FNBP1: variants seen among roughly 807,000 people sequenced by gnomAD.
The protein encoded by FNBP1 is formin-binding protein 1.
Under a neutral mutation model 90.6 loss-of-function variants are expected in FNBP1, and 26 were observed. That is an observed-to-expected ratio of 0.29 (90% confidence interval 0.21 to 0.40). The LOEUF (loss-of-function observed/expected upper bound fraction) is 0.40. FNBP1 is among the 10% of genes least tolerant of loss of function. The pLI is 1.00. For synonymous variants in FNBP1, 260 were observed against 265.2 expected (o/e 0.98, Z 0.19); for missense variants, 635 against 768.0 (o/e 0.83, Z 2.05).
intron 1 of FNBP1, among the ~76,000 whole-genome samples, chr9:130,036,346 T>C (rs1029781603): frequency 1.1e-4 from 17 of 152,208 alleles, no homozygotes; most frequent in East Asian, 3.8e-4. Flanking sequence ...GCACTTTCCA[T>C]GTCTCACCAA....
intron 6 of FNBP1, among the ~76,000 whole-genome samples, chr9:129,943,901 G>A (rs1439633643): frequency 6.6e-6 from 1 of 150,800 alleles, no homozygotes; most frequent in Non-Finnish European, 1.5e-5. Flanking sequence ...GCTGAGGCAG[G>A]AGAGTGGCGT....
chr9:129,928,080 T>C (rs1471352609), intron 7 of FNBP1, among the ~76,000 whole-genome samples: 1 of 152,234 alleles, frequency 6.6e-6, no homozygotes, highest in African/African-American at 2.4e-5. Flanking sequence ...AAGGACTTGT[T>C]TGCTGTGTGT....
Position 129,900,187 on chromosome 9 carries a change from T to A in FNBP1, c.1551-86A>T. The A allele has an allele frequency of 1.4e-6, 2 of 1,407,398 alleles. No individual in the cohort carries two copies. The highest frequency in any genetic ancestry group is 1.9e-6 in the Non-Finnish European group (2 of 1,055,724). The allele number at this position is 1,407,398 out of a possible 1,614,324, so 87.2% of individuals were successfully genotyped here. ...TGAGTCCCTGCGACTGGAGAGCACT[T>A]GCAACCCCGCCCCTCAGCGAGTGCT... On this transcript the variant is annotated intron_variant, in intron 14 of 16. Transcript: ENST00000446176. This position sits in a 1 kb window ranked among gnomAD's most constrained non-coding sequence, Gnocchi z 4.1.
intron 10 of FNBP1, among the ~76,000 whole-genome samples, chr9:129,921,443 G>T (rs2041084054): frequency 6.6e-6 from 1 of 151,500 alleles, no homozygotes; most frequent in Admixed American, 6.6e-5. Context: ...GTCCAGGCTG[G>T]AGTGCAATAG....
chr9:129,957,458 T>C lies in FNBP1; in HGVS notation c.415A>G (p.Arg139Gly). The change falls in exon 6 of 17, where the codon AGG becomes GGG. Residue 139 changes from arginine to glycine, a missense_variant. Transcript: ENST00000446176. The surrounding 1 kb of genome is among the most constrained non-coding windows in gnomAD (Gnocchi z 4.3). The part of the protein sequence containing the change: ...TCWKQLESSK[R>G]RFERDCKEAD... ...TCTTTGCAATCGCGTTCAAATCGCC[T>C]TTTACTCTAAAATCAGAGGAAAATA... is the stretch of plus-strand genomic sequence containing the variant. 1.2e-6 allele frequency: 2 copies of C among 1,610,580 alleles called. No individual in the cohort carries two copies. The highest frequency in any genetic ancestry group is 8.5e-7 in the Non-Finnish European group (1 of 1,177,108).
intron 10 of FNBP1, among the ~76,000 whole-genome samples, chr9:129,921,241 G>A (rs537459901): frequency 2.7e-5 from 4 of 150,594 alleles, no homozygotes; most frequent in African/African-American, 9.8e-5. Flanking sequence ...TAATAAACTT[G>A]TTATCAATTA....
At chr9:129,985,441 T>C (rs2052009534) in intron 2 of FNBP1, among the ~76,000 whole-genome samples, 1 of 152,232 alleles carries the variant, frequency 6.6e-6, no homozygotes, top group South Asian at 2.1e-4. Context: ...TTCATATGGC[T>C]GTTAAGTGGA....
At chr9:130,036,048 A>G (rs1201837729) in intron 1 of FNBP1, among the ~76,000 whole-genome samples, 1 of 152,248 alleles carries the variant, frequency 6.6e-6, no homozygotes, top group Admixed American at 6.5e-5. Flanking sequence ...TTAACTAAAC[A>G]CATTACTAGG....
At chr9:129,927,128 A>C in intron 8 of FNBP1, 67 bp downstream of exon 8, 1 of 1,536,290 alleles carries the variant, frequency 6.5e-7, no homozygotes, top group Non-Finnish European at 8.9e-7. Flanking sequence ...GGTCAAATGG[A>C]AAGGGGATGG....
At chr9:129,996,637 A>T (rs2054044347) in intron 1 of FNBP1, among the ~76,000 whole-genome samples, 1 of 152,214 alleles carries the variant, frequency 6.6e-6, no homozygotes, top group Admixed American at 6.5e-5. Context: ...GCTAGTGTTT[A>T]ATCCTACGCT....
chr9:129,943,230 T>G (rs1251394000), intron 6 of FNBP1, among the ~76,000 whole-genome samples: 1 of 152,162 alleles, frequency 6.6e-6, no homozygotes, highest in Non-Finnish European at 1.5e-5. Flanking sequence ...GCACAGACCT[T>G]TTTCAGATGC....
chr9:129,901,868 C>T (rs1167929686), intron 13 of FNBP1, among the ~76,000 whole-genome samples: 1 of 152,048 alleles, frequency 6.6e-6, no homozygotes, highest in Non-Finnish European at 1.5e-5. Flanking sequence ...GGTGAGATCA[C>T]GCTACTACAC....
intron 2 of FNBP1, among the ~76,000 whole-genome samples, chr9:129,993,405 T>C (rs2053513551): frequency 6.6e-6 from 1 of 150,488 alleles, no homozygotes; most frequent in African/African-American, 2.4e-5. Flanking sequence ...CAAGAACTTT[T>C]AAATATATTC....
chr9:130,012,642 G>T (rs1297129911), intron 1 of FNBP1, among the ~76,000 whole-genome samples: 1 of 151,994 alleles, frequency 6.6e-6, no homozygotes, highest in African/African-American at 2.4e-5. Flanking sequence ...GTTTTGTTTT[G>T]TTTTGTTTTT....
intron 1 of FNBP1, among the ~76,000 whole-genome samples, chr9:130,032,498 C>T (rs2058894724): frequency 6.6e-6 from 1 of 152,174 alleles, no homozygotes; most frequent in Non-Finnish European, 1.5e-5. Flanking sequence ...TTTTAAAAGT[C>T]AGTCATGGTG....
the FNBP1 span, among the ~76,000 whole-genome samples, chr9:130,048,314 C>CAAAAAAAAAAAAAAAAAAAAAA: frequency 5.9e-5 from 3 of 50,716 alleles, no homozygotes; most frequent in African/African-American, 8.3e-5. Context: ...GACTCCATCT[C>CAAAAAAAAAAAAAAAAAAAAAA]AAAAAAAAAA....
chr9:129,924,906 TC>T, intron 9 of FNBP1, 53 bp downstream of exon 9: 1 of 1,453,652 alleles, frequency 6.9e-7, no homozygotes, highest in Non-Finnish European at 9.3e-7. Context: ...GACTAAAAGA[TC>T]AAGTCAAAAT....
intron 1 of FNBP1, among the ~76,000 whole-genome samples, chr9:130,029,929 A>T (rs989833953): frequency 3.9e-5 from 6 of 152,142 alleles, no homozygotes; most frequent in African/African-American, 1.4e-4. Context: ...GGTTGCAGTG[A>T]GCCTTGATTG....
chr9:129,975,122 G>A (rs930263370), intron 4 of FNBP1, among the ~76,000 whole-genome samples: 3 of 152,184 alleles, frequency 2.0e-5, no homozygotes, highest in Non-Finnish European at 4.4e-5. Context: ...AGGAGGCTGA[G>A]GCAGGAGAAT....
Sources: gnomAD v4.1 joint callset for allele counts (sites outside exome capture counted in the v4.1 genomes callset) on GRCh38, gnomAD v4.1.1 for gene constraint, Gnocchi (gnomAD v3.1) non-coding constraint, MANE v1.5 for transcripts, NCBI Gene and HGNC (gene_info 2026-07-23, HGNC 2026-07-21) for gene names.